ITGA9: variants seen among roughly 807,000 people sequenced by gnomAD.
ITGA9 encodes the protein integrin alpha-9.
Under a neutral mutation model 127.8 loss-of-function variants are expected in ITGA9, and 56 were observed. That is an observed-to-expected ratio of 0.44 (90% CI 0.35 to 0.55). The LOEUF is 0.55. Among genes scored for constraint, ITGA9 ranks in the 20% least tolerant of loss-of-function variants. The probability of loss-of-function intolerance (pLI) is 0.00; values close to 1 mark genes in which losing one functional copy is unlikely to be tolerated. For synonymous variants in ITGA9, 508 were observed against 514.5 expected (o/e 0.99, Z 0.17); for missense variants, 1,196 against 1,347.1 (o/e 0.89, Z 1.76).
intron 5 of ITGA9, among the ~76,000 whole-genome samples, chr3:37,497,295 C>T (rs186626665): frequency 6.7e-6 from 1 of 149,484 alleles, no homozygotes; most frequent in Non-Finnish European, 1.5e-5. Flanking sequence ...ATCATCCTGG[C>T]AATAAACATG....
At chr3:37,578,918 G>A (rs1264064152) in intron 15 of ITGA9, among the ~76,000 whole-genome samples, 1 of 152,058 alleles carries the variant, frequency 6.6e-6, no homozygotes, top group East Asian at 1.9e-4. Context: ...GCTGAGAAAG[G>A]GGAGCAAGCA....
chr3:37,779,729 A>T (rs1186227013), intron 24 of ITGA9, among the ~76,000 whole-genome samples, 173 bp from the exon 25 acceptor site: 1 of 152,208 alleles, frequency 6.6e-6, no homozygotes, highest in African/African-American at 2.4e-5. Context: ...CTGGGTGGGA[A>T]ATCCCTTGAA....
intron 1 of ITGA9, among the ~76,000 whole-genome samples, chr3:37,468,671 C>A (rs1162178331): frequency 6.6e-6 from 1 of 152,146 alleles, no homozygotes; most frequent in Non-Finnish European, 1.5e-5. Flanking sequence ...GGGAAGGGAG[C>A]CTGGGTCAGC....
chr3:37,784,159 G>A (rs991178851), intron 25 of ITGA9, among the ~76,000 whole-genome samples: 6 of 152,218 alleles, frequency 3.9e-5, no homozygotes, highest in Non-Finnish European at 7.3e-5. Context: ...CACGACAGAA[G>A]CCAGGCTGCC....
chr3:37,586,125 C>T (rs1247620226), intron 15 of ITGA9, among the ~76,000 whole-genome samples: 1 of 152,130 alleles, frequency 6.6e-6, no homozygotes, highest in Non-Finnish European at 1.5e-5. Context: ...CTTGTTTTGT[C>T]TAATATTGCC....
intron 27 of ITGA9, among the ~76,000 whole-genome samples, chr3:37,815,943 G>T (rs972149658): frequency 6.6e-6 from 1 of 152,132 alleles, no homozygotes; most frequent in African/African-American, 2.4e-5. Flanking sequence ...CTCTTAGCAG[G>T]TTAGACATAG....
intron 5 of ITGA9, among the ~76,000 whole-genome samples, chr3:37,502,501 C>T (rs1178337757): frequency 6.6e-6 from 1 of 152,212 alleles, no homozygotes; most frequent in Non-Finnish European, 1.5e-5. Flanking sequence ...AGGCATGAGC[C>T]ACTGCGCCCG....
At chr3:37,475,685 C>T (rs142377109) in intron 3 of ITGA9, among the ~76,000 whole-genome samples, 1 of 152,176 alleles carries the variant, frequency 6.6e-6, no homozygotes, top group Admixed American at 6.5e-5. Context: ...CATCTGACAC[C>T]ATCTGCTTTC....
intron 15 of ITGA9, among the ~76,000 whole-genome samples, chr3:37,625,199 G>T (rs976344759): frequency 5.9e-5 from 9 of 152,126 alleles, no homozygotes; most frequent in Non-Finnish European, 1.2e-4. Context: ...TGGGAAGCCT[G>T]CCAGCCCTCA....
At chr3:37,778,542 A>G (rs1199202834) in intron 24 of ITGA9, among the ~76,000 whole-genome samples, 3 of 151,780 alleles carry the variant, frequency 2.0e-5, no homozygotes, top group African/African-American at 7.3e-5. Context: ...CGGTTGAATC[A>G]GGGAGGCAGA....
At chr3:37,782,272 C>G (rs1696983883) in intron 25 of ITGA9, among the ~76,000 whole-genome samples, 1 of 152,252 alleles carries the variant, frequency 6.6e-6, no homozygotes, top group Non-Finnish European at 1.5e-5. Context: ...CTGTAAGCCA[C>G]TCTGATGTTT....
chr3:37,752,047 G>A (rs964083190), intron 23 of ITGA9, among the ~76,000 whole-genome samples: 6 of 152,164 alleles, frequency 3.9e-5, no homozygotes, highest in South Asian at 4.1e-4. Flanking sequence ...GCATAAAAGC[G>A]AGTGCATGAG....
intron 7 of ITGA9, 105 bp downstream of exon 7, chr3:37,506,190 G>A: frequency 1.1e-6 from 1 of 876,482 alleles, no homozygotes. Context: ...ACATTCTACT[G>A]GGTGGCTGGT....
At position 37,681,621 on chromosome 3, in the gene ITGA9, CT is replaced by C. The variant is rs1369480427; in HGVS notation, c.1917-2242del. ...ATAACAACTGTTCATTATACAAACC[CT>C]TATATCCTTAATTACGTCTTCCATT... On this transcript the variant is annotated intron_variant, in intron 17 of 27. Coordinates refer to ENST00000264741, the MANE Select transcript of ITGA9 (RefSeq NM_002207.3). Among the ~76,000 whole-genome samples the C allele has an allele frequency of 5.3e-5, 8 of 152,282 alleles. No individual in the cohort carries two copies. The East Asian group carries it at 1.4e-3, about 26-fold the overall frequency.
intron 15 of ITGA9, among the ~76,000 whole-genome samples, chr3:37,607,655 A>G (rs1479557547): frequency 6.6e-6 from 1 of 152,224 alleles, no homozygotes; most frequent in Non-Finnish European, 1.5e-5. Context: ...TGAATGTCTC[A>G]TGGCCAGTAG....
At chr3:37,615,290 C>T (rs1221705010) in intron 15 of ITGA9, among the ~76,000 whole-genome samples, 1 of 152,188 alleles carries the variant, frequency 6.6e-6, no homozygotes, top group Non-Finnish European at 1.5e-5. Flanking sequence ...GTATGTTGAA[C>T]CAGCCTTGCA....
At chr3:37,609,397 C>T (rs1699997578) in intron 15 of ITGA9, among the ~76,000 whole-genome samples, 1 of 152,108 alleles carries the variant, frequency 6.6e-6, no homozygotes. Flanking sequence ...CTTTGAAAAC[C>T]TCATCACACT....
chr3:37,666,269 T>A (rs1360429009), intron 17 of ITGA9, among the ~76,000 whole-genome samples: 1 of 152,162 alleles, frequency 6.6e-6, no homozygotes, highest in East Asian at 1.9e-4. Flanking sequence ...AATAATTGAG[T>A]GAGCAGTGCA....
intron 17 of ITGA9, among the ~76,000 whole-genome samples, chr3:37,674,445 G>A (rs1407787262): frequency 6.6e-6 from 1 of 152,206 alleles, no homozygotes; most frequent in Non-Finnish European, 1.5e-5. Flanking sequence ...ATGCCCTATA[G>A]ACAGAGGCTC....
Sources: allele counts gnomAD v4.1 joint callset (sites outside exome capture counted in the v4.1 genomes callset), GRCh38; gene constraint gnomAD v4.1.1; transcripts MANE v1.5; gene names NCBI Gene and HGNC (gene_info 2026-07-23, HGNC 2026-07-21).